CLASP2: variants seen among roughly 807,000 people sequenced by gnomAD.
The protein encoded by CLASP2 is cytoplasmic linker associated protein 2.
Under a neutral mutation model 194.4 loss-of-function variants are expected in CLASP2, and 47 were observed. The ratio of observed to expected loss-of-function variants is 0.24; its 90% CI spans 0.19 to 0.31. The LOEUF (loss-of-function observed/expected upper bound fraction) is 0.31, where lower values mean the gene tolerates loss of function less well. CLASP2 is among the 10% of genes least tolerant of loss of function. CLASP2 has a pLI of 1.00. For missense variants in CLASP2, 1,445 were observed against 1,823.6 expected, an observed-to-expected ratio of 0.79 and a Z score of 3.78; for synonymous variants, 619 against 633.5, an observed-to-expected ratio of 0.98 and a Z score of 0.34.
At chr3:33,515,890 C>T in intron 36 of CLASP2, 133 bp downstream of exon 36, 1 of 778,234 alleles carries the variant, frequency 1.3e-6, no homozygotes. Flanking sequence ...ATGCTTGCAT[C>T]TCGATCAGGT....
chr3:33,502,369 C>T (rs973468226), intron 37 of CLASP2: 16 of 152,204 alleles, frequency 1.1e-4, no homozygotes, highest in African/African-American at 3.6e-4. Flanking sequence ...AATACATGTA[C>T]ACTGTGGAAT....
chr3:33,700,141 C>A lies in CLASP2; in HGVS notation c.196-3208G>T, dbSNP rs574937571. 1.8e-4 allele frequency among the ~76,000 whole-genome samples: 27 copies of A among 152,144 alleles called. 1 individual carries two copies. The South Asian group carries it at 4.6e-3, about 26-fold the overall frequency. On this transcript the variant is annotated intron_variant, in intron 1 of 38. Coordinates refer to ENST00000682230, the MANE Select transcript of CLASP2 (RefSeq NM_001365631.1). ...TGAAATTAAAATAAATATTTAAAAC[C>A]TTAAAAATAAGCTGGGAACAGTGGC...
At chr3:33,655,695 G>T (rs1450058202) in intron 7 of CLASP2, among the ~76,000 whole-genome samples, 4 of 151,990 alleles carry the variant, frequency 2.6e-5, no homozygotes, top group African/African-American at 9.7e-5. Context: ...GATCTATTTA[G>T]TACTAATTTA....
intron 12 of CLASP2, among the ~76,000 whole-genome samples, chr3:33,618,731 T>C (rs1559405846): frequency 1.3e-5 from 2 of 152,138 alleles, no homozygotes; most frequent in South Asian, 2.1e-4. Context: ...GTGTAGCAAA[T>C]ACATTTGTAT....
At position 33,517,013 on chromosome 3, in the gene CLASP2, G is replaced by C; in HGVS notation, c.3949C>G (p.Leu1317Val). ...TCTCCAAGCGTTTCAAGCAATAAAA[G>C]CAATATTGTTTTGAAGTGTTCATCC... The part of the protein sequence containing the change: ...VWDEHFKTIL[L>V]LLLETLGDKE... Residue 1317 changes from leucine (L) to valine (V), a missense_variant, in exon 35 of 39, where the codon CTT becomes GTT. Leu to Val is a conservative substitution (Grantham distance 32). Around this residue, in one of 4 missense-constraint regions of CLASP2, gnomAD observed 732 missense variants for 987.9 expected, o/e 0.74. Coordinates refer to ENST00000682230, the MANE Select transcript of CLASP2 (RefSeq NM_001365631.1). The C allele has an allele frequency of 6.2e-7, 1 of 1,613,226 alleles. No individual in the cohort carries two copies. Among genetic ancestry groups the C allele is most frequent in the Non-Finnish European group, 8.5e-7 (1 of 1,179,664 alleles).
chr3:33,560,239 CTTTTTT>C (rs902874876), intron 28 of CLASP2, among the ~76,000 whole-genome samples: 70 of 145,582 alleles, frequency 4.8e-4, no homozygotes, highest in African/African-American at 1.8e-3. Flanking sequence ...GCTGATACTT[CTTTTTT>C]TTTTTTCTTT....
At position 33,715,175 on chromosome 3, in the gene CLASP2, C is replaced by A. The variant is rs924799365; in HGVS notation, c.195+2633G>T. Among the ~76,000 whole-genome samples the A allele has an allele frequency of 2.4e-4, 36 of 152,150 alleles. 1 individual carries two copies. The highest frequency in any genetic ancestry group is 2.3e-3 in the Admixed American group (35 of 15,278). ...GCACTCACATGTCACCTTTCTTGAC[C>A]ACCCAAAGTAGAGTCTCATAATCAT... On this transcript the variant is annotated intron_variant, in intron 1 of 38. Coordinates refer to ENST00000682230, the MANE Select transcript of CLASP2 (RefSeq NM_001365631.1).
chr3:33,573,484 T>C (rs771288661), intron 24 of CLASP2, 130 bp from the exon 25 acceptor site: 9 of 918,390 alleles, frequency 9.8e-6, no homozygotes, highest in East Asian at 2.6e-5. Context: ...ATCATTGTAA[T>C]AACAGAATGT....
intron 8 of CLASP2, among the ~76,000 whole-genome samples, chr3:33,635,521 AACT>A (rs2079975673): frequency 2.0e-5 from 3 of 152,224 alleles, no homozygotes; most frequent in Non-Finnish European, 4.4e-5. Flanking sequence ...AAGCTGAAAT[AACT>A]AGGAGAATTA....
chr3:33,540,835 C>T (rs1195047915), intron 32 of CLASP2, among the ~76,000 whole-genome samples: 3 of 149,726 alleles, frequency 2.0e-5, no homozygotes, highest in African/African-American at 7.4e-5. Context: ...TGCGGTAGCA[C>T]GACATCAGCT....
intron 33 of CLASP2, among the ~76,000 whole-genome samples, chr3:33,537,340 T>C (rs1191998895): frequency 1.3e-5 from 2 of 152,206 alleles, no homozygotes; most frequent in Non-Finnish European, 2.9e-5. Context: ...ACAATCTTGC[T>C]CTGCCAGATA....
At chr3:33,515,630 C>T (rs1343803297) in intron 36 of CLASP2, among the ~76,000 whole-genome samples, 1 of 152,094 alleles carries the variant, frequency 6.6e-6, no homozygotes, top group Non-Finnish European at 1.5e-5. Context: ...GCCTGGGCGA[C>T]AGAGTGAGAT....
At chr3:33,540,605 A>G (rs539190013) in intron 32 of CLASP2, among the ~76,000 whole-genome samples, 2 of 152,252 alleles carry the variant, frequency 1.3e-5, no homozygotes, top group African/African-American at 4.8e-5. Flanking sequence ...TTTAGCTACC[A>G]AATTTATCAT....
intron 36 of CLASP2, among the ~76,000 whole-genome samples, chr3:33,515,579 G>T (rs950705913): frequency 6.6e-6 from 1 of 152,166 alleles, no homozygotes; most frequent in Admixed American, 6.5e-5. Context: ...GAACCGGGAG[G>T]CTGAGGCTGC....
intron 6 of CLASP2, among the ~76,000 whole-genome samples, chr3:33,669,703 A>T (rs543431085): frequency 6.6e-6 from 1 of 152,190 alleles, no homozygotes; most frequent in African/African-American, 2.4e-5. Flanking sequence ...AATGCATGTT[A>T]CAACTGCAAT....
intron 32 of CLASP2, among the ~76,000 whole-genome samples, chr3:33,542,467 T>C (rs1237573498): frequency 2.0e-5 from 3 of 148,900 alleles, no homozygotes; most frequent in Admixed American, 6.7e-5. Flanking sequence ...GTTAAATATA[T>C]AATAAATATA....
At chr3:33,566,134 T>C (rs2062700052) in intron 27 of CLASP2, among the ~76,000 whole-genome samples, 1 of 152,168 alleles carries the variant, frequency 6.6e-6, no homozygotes, top group Middle Eastern at 3.2e-3. Flanking sequence ...TTGTCAGATG[T>C]TAATATGCCC....
At chr3:33,713,642 C>T (rs2093144812) in intron 1 of CLASP2, among the ~76,000 whole-genome samples, 1 of 151,874 alleles carries the variant, frequency 6.6e-6, no homozygotes, top group Non-Finnish European at 1.5e-5. Context: ...GCACACAGCC[C>T]TGCACTACAT....
chr3:33,501,714 C>T lies in CLASP2; in HGVS notation c.4372G>A (p.Ala1458Thr), dbSNP rs1478148861. 6.2e-7 allele frequency: 1 copy of T among 1,613,584 alleles called. No individual in the cohort carries two copies. Among genetic ancestry groups the T allele is most frequent in the Non-Finnish European group, 8.5e-7 (1 of 1,179,752 alleles). Residue 1458 changes from alanine (A) to threonine (T), a missense_variant, in exon 38 of 39, where the codon GCT (alanine) becomes ACT (threonine). This residue lies in a region of CLASP2 where 732 missense variants were observed against 987.9 expected (regional missense o/e 0.74). Coordinates refer to ENST00000682230, the MANE Select transcript of CLASP2 (RefSeq NM_001365631.1). ...TCATCACCAATTACCGCATGAACAG[C>T]CACCAGGCAGAAGACACAAGCTTTC... ...VRKACVFCLV[A>T]VHAVIGDELK...
Sources: allele counts gnomAD v4.1 joint callset (sites outside exome capture counted in the v4.1 genomes callset), GRCh38; gene constraint gnomAD v4.1.1; regional missense constraint gnomAD v4.1.1; transcripts MANE v1.5; gene names NCBI Gene and HGNC (gene_info 2026-07-23, HGNC 2026-07-21).